Variants in PLEKHG1 observed in about 807,000 individuals in gnomAD.
PLEKHG1 encodes the protein pleckstrin homology and RhoGEF domain containing G1.
A neutral mutation model predicts 100.8 loss-of-function variants in PLEKHG1; 44 were observed. The ratio of observed to expected loss-of-function variants is 0.44; its 90% CI spans 0.34 to 0.56. The LOEUF (loss-of-function observed/expected upper bound fraction) is 0.56. Among genes scored for constraint, PLEKHG1 ranks in the 20% least tolerant of loss-of-function variants. The pLI is 0.01. For synonymous variants in PLEKHG1, 640 were observed against 662.5 expected (o/e 0.97, Z 0.52); for missense variants, 1,545 against 1,720.9 (o/e 0.90, Z 1.81).
At chr6:150,650,297 T>C (rs771913056) in intron 2 of PLEKHG1, among the ~76,000 whole-genome samples, 11 of 152,222 alleles carry the variant, frequency 7.2e-5, no homozygotes, top group Non-Finnish European at 1.6e-4. Flanking sequence ...GAGCCTCTCC[T>C]TCCATTCCCT....
chr6:150,621,127 G>A (rs1777282188), intron 1 of PLEKHG1, among the ~76,000 whole-genome samples: 1 of 152,116 alleles, frequency 6.6e-6, no homozygotes. Context: ...CATTAATACT[G>A]GCAATGTGCT....
At chr6:150,672,395 C>T (rs1484657874) in intron 3 of PLEKHG1, among the ~76,000 whole-genome samples, 1 of 152,126 alleles carries the variant, frequency 6.6e-6, no homozygotes, top group Non-Finnish European at 1.5e-5. Flanking sequence ...CTCGATGTCC[C>T]GTTAAGTTCC....
At chr6:150,798,885 C>T (rs1786524617) in intron 5 of PLEKHG1, among the ~76,000 whole-genome samples, 1 of 152,140 alleles carries the variant, frequency 6.6e-6, no homozygotes, top group Admixed American at 6.5e-5. Context: ...GGATTACCGG[C>T]ACATGCCACC....
Position 150,840,151 on chromosome 6 carries a change from TG to T in PLEKHG1, c.3414del (p.Pro1139GlnfsTer10). The T allele has an allele frequency of 6.2e-7, 1 of 1,614,238 alleles. No homozygotes were observed. The highest frequency in any genetic ancestry group is 8.5e-7 in the Non-Finnish European group (1 of 1,180,038). The stretch of plus-strand genomic sequence containing the variant: ...CCTTCTCTTCAAACCTCTGACCCTC[TG>T]CCAGGCTCTGTGCAGAGATGCAGCG... On this transcript the variant is annotated frameshift_variant, in exon 16 of 16. Transcript: ENST00000358517. LOFTEE classifies it low-confidence loss of function (END_TRUNC).
At chr6:150,709,233 G>A (rs769703576) in intron 3 of PLEKHG1, among the ~76,000 whole-genome samples, 1 of 152,176 alleles carries the variant, frequency 6.6e-6, no homozygotes, top group Non-Finnish European at 1.5e-5. Flanking sequence ...ACTTAAGGAG[G>A]CTGAGGCAGG....
intron 1 of PLEKHG1, among the ~76,000 whole-genome samples, chr6:150,634,333 G>A (rs1207833265): frequency 5.9e-5 from 9 of 151,760 alleles, no homozygotes; most frequent in South Asian, 4.1e-4. Flanking sequence ...AAAATAATAT[G>A]AGAATGTAGT....
exon 15 of PLEKHG1, chr6:150,830,877 A>C: frequency 1.2e-6 from 2 of 1,614,196 alleles, no homozygotes; most frequent in Non-Finnish European, 1.7e-6. Flanking sequence ...TGCAGCTGGC[A>C]TATGGGACAG....
At chr6:150,729,292 G>A (rs192152650) in intron 1 of PLEKHG1, among the ~76,000 whole-genome samples, 1 of 152,162 alleles carries the variant, frequency 6.6e-6, no homozygotes, top group African/African-American at 2.4e-5. Context: ...GAACTCCTGA[G>A]CTCAAGTGAT....
At position 150,779,366 on chromosome 6, in the gene PLEKHG1, G is replaced by C. The variant is rs1173598108; in HGVS notation, c.513-7024G>C. On this transcript the variant is annotated intron_variant, in intron 3 of 15. Transcript: ENST00000358517. ...GAAGTTTTTTTTTTTTTTTTTTTGA[G>C]ACAGAGTCTCGTTCTGTCGCCTAGG... Among the ~76,000 whole-genome samples the C allele has an allele frequency of 2.2e-3, 142 of 65,312 alleles. No homozygotes were observed. The African/African-American group carries it at 0.026, about 12-fold the overall frequency. The allele number at this position is 65,312 out of a possible 152,430, so 42.8% of individuals were successfully genotyped here. A position where few individuals can be genotyped will look rare whatever the true frequency, so the allele number is the denominator to read the frequency against.
chr6:150,764,950 A>T (rs1398247248), intron 2 of PLEKHG1, among the ~76,000 whole-genome samples: 2 of 150,788 alleles, frequency 1.3e-5, no homozygotes, highest in African/African-American at 2.4e-5. Context: ...TGTTTTATGC[A>T]TTTTTTTTTA....
At chr6:150,605,784 A>G (rs1001505251) in intron 1 of PLEKHG1, 1 of 152,226 alleles carries the variant, frequency 6.6e-6, no homozygotes, top group Non-Finnish European at 1.5e-5. Context: ...ACAGTTTTAA[A>G]ATGTTCCACT....
chr6:150,624,672 C>T (rs902798985), intron 1 of PLEKHG1: 2 of 152,082 alleles, frequency 1.3e-5, no homozygotes, highest in Non-Finnish European at 2.9e-5. Context: ...CCAACACTTT[C>T]ATAGAATTTT....
intron 3 of PLEKHG1, among the ~76,000 whole-genome samples, chr6:150,715,803 T>G (rs1169727184): frequency 2.7e-5 from 4 of 148,042 alleles, no homozygotes; most frequent in Non-Finnish European, 6.0e-5. Flanking sequence ...TATGCTGTCA[T>G]GTGCTCATAG....
intron 2 of PLEKHG1, among the ~76,000 whole-genome samples, chr6:150,750,612 C>T (rs1037973395): frequency 1.3e-5 from 2 of 151,514 alleles, no homozygotes; most frequent in African/African-American, 4.9e-5. Flanking sequence ...AACCCCGTCT[C>T]TACTAAAAAT....
At chr6:150,641,275 G>A (rs1778247894) in intron 2 of PLEKHG1, among the ~76,000 whole-genome samples, 3 of 152,152 alleles carry the variant, frequency 2.0e-5, no homozygotes, top group Admixed American at 2.0e-4. Context: ...AAACTGGCAA[G>A]ATAGATTGAC....
upstream of PLEKHG1, among the ~76,000 whole-genome samples, chr6:150,718,525 A>G (rs1290914189): frequency 2.1e-5 from 3 of 145,280 alleles, no homozygotes; most frequent in Non-Finnish European, 4.5e-5. Flanking sequence ...ACTGGAGTGC[A>G]GAGGCACGAT....
chr6:150,837,688 G>C (rs909644291), intron 15 of PLEKHG1, among the ~76,000 whole-genome samples: 22 of 152,224 alleles, frequency 1.4e-4, no homozygotes, highest in Non-Finnish European at 4.4e-5. Flanking sequence ...AGGCAGGTCT[G>C]CTAACTAATG....
exon 16 of PLEKHG1, chr6:150,840,494 T>C (rs750137593): frequency 6.2e-7 from 1 of 1,614,188 alleles, no homozygotes; most frequent in East Asian, 2.2e-5. Context: ...TGGTGGTCAA[T>C]AGAAATTTAC....
upstream of PLEKHG1, among the ~76,000 whole-genome samples, chr6:150,719,547 A>G (rs1248315348): frequency 6.6e-6 from 1 of 152,244 alleles, no homozygotes; most frequent in African/African-American, 2.4e-5. Flanking sequence ...ATATGAGACC[A>G]CATGATCCTT....
Sources: allele counts gnomAD v4.1 joint callset (sites outside exome capture counted in the v4.1 genomes callset), GRCh38; gene constraint gnomAD v4.1.1; transcripts MANE v1.5; gene names NCBI Gene and HGNC (gene_info 2026-07-23, HGNC 2026-07-21).